COL6A6: variants seen among roughly 807,000 people sequenced by gnomAD.
COL6A6 encodes the protein collagen alpha-6(VI) chain.
Under a neutral mutation model 208.6 loss-of-function variants are expected in COL6A6, and 183 were observed. That is an observed-to-expected ratio of 0.88 (90% confidence interval 0.78 to 0.99). The LOEUF is 0.99. Ranked by LOEUF, COL6A6 falls within the 50% of genes least tolerant of loss-of-function variation. The pLI, the probability that COL6A6 is intolerant of heterozygous loss-of-function variation, is 0.00. For missense variants in COL6A6, 2,816 were observed against 2,815.2 expected, an observed-to-expected ratio of 1.00 and a Z score of -0.01; for synonymous variants, 973 against 1,011.8, an observed-to-expected ratio of 0.96 and a Z score of 0.73.
chr3:130,619,507 A>T (rs867968105), intron 23 of COL6A6, among the ~76,000 whole-genome samples: 1 of 152,276 alleles, frequency 6.6e-6, no homozygotes, highest in Non-Finnish European at 1.5e-5. Context: ...GGGATTTTGC[A>T]TATTAAGAAG....
chr3:130,591,625 TAAC>T (rs2063718509), intron 13 of COL6A6, among the ~76,000 whole-genome samples: 1 of 152,214 alleles, frequency 6.6e-6, no homozygotes, highest in African/African-American at 2.4e-5. Context: ...ATCAGATACT[TAAC>T]AAATATTTGT....
chr3:130,589,011 G>C lies in COL6A6; in HGVS notation c.4126-79G>C, dbSNP rs1028223412. On this transcript the variant is annotated intron_variant, in intron 11 of 36. Coordinates refer to ENST00000358511, the MANE Select transcript of COL6A6 (RefSeq NM_001102608.3). Reference sequence around the variant, plus strand: ...GCTTCTGAAACTGTGGTAGAAGTCTGGATCGCATGGTTGAACTTGTATATG... The same window carrying C: ...GCTTCTGAAACTGTGGTAGAAGTCTCGATCGCATGGTTGAACTTGTATATG... The C allele has an allele frequency of 2.8e-5, 29 of 1,048,174 alleles. No homozygotes were observed. In the Admixed American group the frequency reaches 5.7e-4, roughly 20 times the overall value. 64.9% of individuals were successfully genotyped at this position (1,048,174 alleles called of 1,614,324 possible). A position where few individuals can be genotyped will look rare whatever the true frequency, so the allele number is the denominator to read the frequency against.
At chr3:130,668,894 TAATA>T (rs1433842096) in intron 36 of COL6A6, among the ~76,000 whole-genome samples, 2 of 152,212 alleles carry the variant, frequency 1.3e-5, no homozygotes, top group Non-Finnish European at 2.9e-5. Flanking sequence ...ACAAATGATT[TAATA>T]GATACATGCA....
chr3:130,608,859 G>A (rs765846554), intron 21 of COL6A6, 43 bp from the exon 22 acceptor site: 97 of 1,284,510 alleles, frequency 7.6e-5, no homozygotes, highest in Admixed American at 2.2e-4. Flanking sequence ...GAGACAAAAT[G>A]TTCAGGAAAC....
rs541883761 is a variant in COL6A6 at position 130,627,165 on chromosome 3, T to C, written c.4942-154T>C. Among the ~76,000 whole-genome samples, 4 of 152,332 alleles carry C rather than the reference T, an allele frequency of 2.6e-5. No individual in the cohort carries two copies. The East Asian group carries it at 7.7e-4, about 29-fold the overall frequency. On this transcript the variant is annotated intron_variant, in intron 25 of 36. Transcript: ENST00000358511. ...TACTAACAATTGCCTTTAGTACTAC[T>C]ATCATAAAATGTTGGTGGCCTGCCC...
chr3:130,672,562 C>T (rs977404595), intron 36 of COL6A6, among the ~76,000 whole-genome samples: 2 of 151,808 alleles, frequency 1.3e-5, no homozygotes, highest in Non-Finnish European at 2.9e-5. Context: ...ACCACCACAC[C>T]CGGCTAATTT....
At chr3:130,521,049 C>G (rs1013170051) in intron 1 of COL6A6, among the ~76,000 whole-genome samples, 6 of 152,154 alleles carry the variant, frequency 3.9e-5, no homozygotes, top group African/African-American at 1.4e-4. Flanking sequence ...CCTTAAGTCA[C>G]AAAGGCACAA....
intron 1 of COL6A6, among the ~76,000 whole-genome samples, chr3:130,539,851 T>C (rs1425880138): frequency 6.6e-6 from 1 of 152,068 alleles, no homozygotes; most frequent in Non-Finnish European, 1.5e-5. Flanking sequence ...TTAAATGAAC[T>C]GGAGGCTTAA....
At position 130,586,435 on chromosome 3, in the gene COL6A6, TA is replaced by T. The variant is rs1433336382; in HGVS notation, c.3971-68del. The T allele has an allele frequency of 2.1e-6, 3 of 1,404,062 alleles. No individual in the cohort carries two copies. The African/African-American group carries it at 4.3e-5, about 20-fold the overall frequency. The allele number at this position is 1,404,062 out of a possible 1,614,324, so 87.0% of individuals were successfully genotyped here. ...CAGCTGTTCACTGAGAATAACAATT[TA>T]AATATGCTTGCAAAAAACTAAAGTA... On this transcript the variant is annotated intron_variant, in intron 10 of 36. Coordinates refer to ENST00000358511, the MANE Select transcript of COL6A6 (RefSeq NM_001102608.3).
chr3:130,540,842 T>G (rs1265474059), intron 1 of COL6A6, among the ~76,000 whole-genome samples: 1 of 152,246 alleles, frequency 6.6e-6, no homozygotes, highest in Non-Finnish European at 1.5e-5. Context: ...TAATCTCATT[T>G]CTTTTTATGG....
intron 33 of COL6A6, among the ~76,000 whole-genome samples, chr3:130,653,209 CCCTTT>C: frequency 6.6e-6 from 1 of 152,296 alleles, no homozygotes; most frequent in South Asian, 2.1e-4. Flanking sequence ...GGGTGAATCT[CCCTTT>C]CCAATATTTT....
At chr3:130,610,789 G>T in intron 23 of COL6A6, 78 bp downstream of exon 23, 1 of 1,073,542 alleles carries the variant, frequency 9.3e-7, no homozygotes, top group Non-Finnish European at 1.4e-6. Flanking sequence ...CATACAGGTG[G>T]AGTTATTTAC....
At chr3:130,558,659 C>G (rs1197391334) in intron 1 of COL6A6, among the ~76,000 whole-genome samples, 6 of 152,088 alleles carry the variant, frequency 3.9e-5, no homozygotes, top group Non-Finnish European at 8.8e-5. Context: ...GACATTGGCC[C>G]TATGGATTCT....
At chr3:130,623,444 G>GT (rs2064795926) in intron 24 of COL6A6, among the ~76,000 whole-genome samples, 3 of 152,316 alleles carry the variant, frequency 2.0e-5, no homozygotes, top group East Asian at 1.9e-4. Flanking sequence ...GGGTGACAGA[G>GT]TAAGACTCCA....
rs572974507 is a variant in COL6A6, at chr3:130,606,186, A to G, written c.4654-745A>G. On this transcript the variant is annotated intron_variant, in intron 20 of 36. Transcript: ENST00000358511. ...TTTGCAAATGCTGGGTTTTACTTTT[A>G]CTATAACATTACTGAATGATCCTAG... Among the ~76,000 whole-genome samples, 6 of 152,336 alleles carry G rather than the reference A, an allele frequency of 3.9e-5. No individual in the cohort carries two copies. In the South Asian group the frequency reaches 1.0e-3, roughly 26 times the overall value.
rs773886923 is a variant in COL6A6, at chr3:130,658,631, C to A, written c.5734-45C>A. On this transcript the variant is annotated intron_variant, in intron 33 of 36. Transcript: ENST00000358511. ...TCTATGTAGTCCTAAGAGGTTCTTG[C>A]AGCCCTACCCACTAAGTTCTTTCTG... The A allele has an allele frequency of 6.9e-6, 9 of 1,308,680 alleles. No individual in the cohort carries two copies. The South Asian group carries it at 8.7e-5, about 13-fold the overall frequency. 81.1% of individuals were successfully genotyped at this position (1,308,680 alleles called of 1,614,324 possible).
At chr3:130,624,138 A>C (rs1392736801) in intron 24 of COL6A6, among the ~76,000 whole-genome samples, 1 of 152,160 alleles carries the variant, frequency 6.6e-6, no homozygotes, top group Non-Finnish European at 1.5e-5. Flanking sequence ...AGAAGAAGAC[A>C]TTAACTACTC....
At chr3:130,547,363 C>A (rs945628855) in intron 1 of COL6A6, among the ~76,000 whole-genome samples, 1 of 152,260 alleles carries the variant, frequency 6.6e-6, no homozygotes, top group Admixed American at 6.5e-5. Flanking sequence ...AGTGCGGGGG[C>A]CCGCTGAGGC....
At chr3:130,639,978 C>T (rs2065265195) in intron 28 of COL6A6, among the ~76,000 whole-genome samples, 2 of 152,138 alleles carry the variant, frequency 1.3e-5, no homozygotes, top group Non-Finnish European at 2.9e-5. Context: ...CATTTACTCT[C>T]CCTGTCTCAG....
Sources: allele counts gnomAD v4.1 joint callset (sites outside exome capture counted in the v4.1 genomes callset), GRCh38; gene constraint gnomAD v4.1.1; transcripts MANE v1.5; gene names NCBI Gene and HGNC (gene_info 2026-07-23, HGNC 2026-07-21).